PTPRK: variants seen among roughly 807,000 people sequenced by gnomAD.
PTPRK encodes the protein protein tyrosine phosphatase receptor type K.
Under a neutral mutation model 178.0 loss-of-function variants are expected in PTPRK, and 75 were observed. The observed-to-expected ratio is 0.42, with a 90% CI of 0.35 to 0.51. The LOEUF (loss-of-function observed/expected upper bound fraction) is 0.51, where lower values mean the gene tolerates loss of function less well. PTPRK is among the 20% of genes least tolerant of loss of function. The pLI, the probability that PTPRK is intolerant of heterozygous loss-of-function variation, is 0.02. For missense variants in PTPRK, 1,441 were observed against 1,797.8 expected (o/e 0.80, Z 3.59); for synonymous variants, 637 against 620.6 (o/e 1.03, Z -0.39).
At chr6:128,105,255 T>C (rs558921617) in intron 7 of PTPRK, among the ~76,000 whole-genome samples, 2 of 151,592 alleles carry the variant, frequency 1.3e-5, no homozygotes, top group African/African-American at 4.8e-5. Flanking sequence ...TGCCTCAGCC[T>C]CCGGAGTAGC....
At chr6:128,416,986 A>G (rs1842928392) in intron 1 of PTPRK, among the ~76,000 whole-genome samples, 1 of 148,528 alleles carries the variant, frequency 6.7e-6, no homozygotes, top group African/African-American at 2.4e-5. Context: ...TAATAATTAT[A>G]AAATTATAAT....
rs898199061 is a variant in PTPRK at position 128,519,033 on chromosome 6, G to A, written c.100+1226C>T. 2.1e-5 allele frequency: 11 copies of A among 530,952 alleles called. No individual in the cohort carries two copies. The highest frequency in any genetic ancestry group is 1.8e-4 in the Admixed American group (9 of 51,368). 32.9% of individuals were successfully genotyped at this position (530,952 alleles called of 1,614,324 possible). A position where few individuals can be genotyped will look rare whatever the true frequency, so the allele number is the denominator to read the frequency against. ...TATTTGCGTCCTGCGGCTTCAGCCA[G>A]GAGCGTGGCTGTCGCTTTTCCCGTC... On this transcript the variant is annotated intron_variant, in intron 1 of 29. Coordinates refer to ENST00000368226, the MANE Select transcript of PTPRK (RefSeq NM_002844.4). This position sits in a 1 kb window ranked among gnomAD's most constrained non-coding sequence, Gnocchi z 4.3.
At chr6:128,138,030 GC>G (rs201749976) in intron 7 of PTPRK, among the ~76,000 whole-genome samples, 4 of 152,180 alleles carry the variant, frequency 2.6e-5, no homozygotes, top group South Asian at 4.1e-4. Flanking sequence ...AAAATATACA[GC>G]TTTATAAAAA....
intron 7 of PTPRK, among the ~76,000 whole-genome samples, chr6:128,135,284 T>C (rs191170500): frequency 2.6e-5 from 4 of 152,320 alleles, no homozygotes; most frequent in East Asian, 3.9e-4. Flanking sequence ...CTTGAACTAC[T>C]GTTGAACTAT....
intron 7 of PTPRK, among the ~76,000 whole-genome samples, chr6:128,135,007 G>A (rs61293451): frequency 2.0e-5 from 3 of 151,126 alleles, no homozygotes; most frequent in African/African-American, 4.9e-5. Flanking sequence ...AAGAATTTCC[G>A]GCACGCCCTG....
At chr6:128,024,635 C>A (rs888524498) in intron 13 of PTPRK, among the ~76,000 whole-genome samples, 12 of 151,882 alleles carry the variant, frequency 7.9e-5, no homozygotes, top group African/African-American at 2.7e-4. Flanking sequence ...ATGGTGAAAC[C>A]CCATCTCTAC....
At chr6:128,238,168 C>G (rs201684204) in intron 5 of PTPRK, 21 of 345,348 alleles carry the variant, frequency 6.1e-5, no homozygotes, top group Non-Finnish European at 5.5e-6. Flanking sequence ...ATAAATTCAC[C>G]ATTCTGTAGC....
intron 4 of PTPRK, chr6:128,241,265 C>T (rs1332238458): frequency 3.7e-6 from 2 of 533,360 alleles, no homozygotes; most frequent in Admixed American, 3.9e-5. Context: ...TGAGTTAGAA[C>T]ATGAACTAAA....
intron 7 of PTPRK, among the ~76,000 whole-genome samples, chr6:128,118,449 C>T (rs1406119221): frequency 1.3e-5 from 2 of 152,178 alleles, no homozygotes; most frequent in African/African-American, 2.4e-5. Context: ...CCACTTTTTA[C>T]ATTAACAATA....
At chr6:128,078,992 C>G (rs923269003) in intron 10 of PTPRK, 74 bp from the exon 11 acceptor site, 1 of 966,448 alleles carries the variant, frequency 1.0e-6, no homozygotes, top group African/African-American at 1.6e-5. Flanking sequence ...AATGAACAGA[C>G]AATCTTAAGT....
At chr6:128,282,139 T>C (rs575021100) in intron 3 of PTPRK, among the ~76,000 whole-genome samples, 19 of 152,192 alleles carry the variant, frequency 1.2e-4, no homozygotes, top group Non-Finnish European at 2.5e-4. Context: ...GGACTATACA[T>C]GGCTGTTGAC....
chr6:128,347,103 T>C (rs1403794358), intron 2 of PTPRK, among the ~76,000 whole-genome samples: 1 of 152,132 alleles, frequency 6.6e-6, no homozygotes, highest in East Asian at 1.9e-4. Flanking sequence ...CCTGCACCAG[T>C]AAATAAAGCT....
intron 2 of PTPRK, among the ~76,000 whole-genome samples, chr6:128,350,466 A>C (rs1400115918): frequency 6.6e-6 from 1 of 152,102 alleles, no homozygotes; most frequent in African/African-American, 2.4e-5. Context: ...AGGTAGAGGC[A>C]GTGCACAGAA....
At chr6:128,342,856 G>C (rs1457273350) in intron 2 of PTPRK, among the ~76,000 whole-genome samples, 1 of 152,078 alleles carries the variant, frequency 6.6e-6, no homozygotes, top group Non-Finnish European at 1.5e-5. Flanking sequence ...AGAGCCTGAG[G>C]TAGGAGGATC....
intron 13 of PTPRK, among the ~76,000 whole-genome samples, chr6:128,018,789 A>T (rs900597454): frequency 6.6e-6 from 1 of 152,140 alleles, no homozygotes; most frequent in African/African-American, 2.4e-5. Flanking sequence ...ATAGCATCAC[A>T]GAAGCAGCAT....
At chr6:128,433,116 T>A (rs1300918418) in intron 1 of PTPRK, among the ~76,000 whole-genome samples, 1 of 152,258 alleles carries the variant, frequency 6.6e-6, no homozygotes, top group Non-Finnish European at 1.5e-5. Context: ...TTATTTGTGC[T>A]ACGAAGATTT....
At chr6:128,254,575 T>A (rs928840834) in intron 3 of PTPRK, among the ~76,000 whole-genome samples, 1 of 152,196 alleles carries the variant, frequency 6.6e-6, no homozygotes, top group Non-Finnish European at 1.5e-5. Flanking sequence ...TTCACTTGAT[T>A]CTTTGCAGAA....
chr6:127,987,252 C>A (rs971002789), intron 21 of PTPRK, among the ~76,000 whole-genome samples: 1 of 148,590 alleles, frequency 6.7e-6, no homozygotes, highest in Non-Finnish European at 1.5e-5. Context: ...CAACCCCCCC[C>A]ATTTTCTTGT....
intron 7 of PTPRK, among the ~76,000 whole-genome samples, chr6:128,137,070 T>C (rs1179346723): frequency 6.6e-6 from 1 of 152,194 alleles, no homozygotes; most frequent in African/African-American, 2.4e-5. Context: ...GTGAGAGCTA[T>C]ACTCTGCAGG....
Sources: allele counts gnomAD v4.1 joint callset (sites outside exome capture counted in the v4.1 genomes callset), GRCh38; gene constraint gnomAD v4.1.1; non-coding constraint Gnocchi (gnomAD v3.1); transcripts MANE v1.5; gene names NCBI Gene and HGNC (gene_info 2026-07-23, HGNC 2026-07-21).